The following LDHC variants were observed in gnomAD, a reference collection of about 807,000 sequenced individuals.
LDHC encodes lactate dehydrogenase C.
A neutral mutation model predicts 30.2 loss-of-function variants in LDHC; 20 were observed. The ratio of observed to expected loss-of-function variants is 0.66; its 90% CI spans 0.47 to 0.96. The LOEUF (loss-of-function observed/expected upper bound fraction) is 0.96, where lower values mean the gene tolerates loss of function less well. Ranked by LOEUF, LDHC falls within the 40% of genes least tolerant of loss-of-function variation. LDHC has a pLI of 0.00. For synonymous variants in LDHC, 139 were observed against 132.7 expected, an observed-to-expected ratio of 1.05 and a Z score of -0.32; for missense variants, 362 against 394.9, an observed-to-expected ratio of 0.92 and a Z score of 0.71.
chr11:18,421,207 C>T (rs1015491582), intron 3 of LDHC, among the ~76,000 whole-genome samples: 1 of 152,016 alleles, frequency 6.6e-6, no homozygotes, highest in Non-Finnish European at 1.5e-5. Context: ...GCACACACCA[C>T]TGAGCCTGGC....
chr11:18,446,111 T>G (rs1368998358), intron 6 of LDHC, 99 bp from the exon 7 acceptor site: 2 of 962,146 alleles, frequency 2.1e-6, no homozygotes, highest in African/African-American at 3.3e-5. Flanking sequence ...ACAATTGCAT[T>G]GACATGTAGA....
intron 4 of LDHC, among the ~76,000 whole-genome samples, chr11:18,430,437 C>CATTGATCCTCCCACCTCAGGCTCA (rs760136638): frequency 9.0e-4 from 137 of 152,186 alleles, no homozygotes; most frequent in African/African-American, 3.1e-3. Flanking sequence ...CTTTGCCTCA[C>CATTGATCCTCCCACCTCAGGCTCA]ATTGATCCTC....
rs71047596 is a variant in LDHC, at chr11:18,439,811, T to TA, written c.710+1191dup. Among the ~76,000 whole-genome samples the TA allele has an allele frequency of 5.4e-3, 349 of 64,174 alleles. 35 individuals are homozygous for TA. Among genetic ancestry groups the TA allele is most frequent in the South Asian group, 8.3e-3 (11 of 1,328 alleles). The allele number at this position is 64,174 out of a possible 152,430, so 42.1% of individuals were successfully genotyped here. A position where few individuals can be genotyped will look rare whatever the true frequency, so the allele number is the denominator to read the frequency against. ...CCAACATGGTGAAAACCGTCTCTAC[T>TA]AAAAAAAAAAAAAAAAAAAAAAAAA... On this transcript the variant is annotated intron_variant, in intron 6 of 7. Transcript: ENST00000541669.
intron 1 of LDHC, 96 bp downstream of exon 1, chr11:18,412,504 G>A (rs1463313338): frequency 2.0e-6 from 1 of 495,584 alleles, no homozygotes; most frequent in Non-Finnish European, 3.7e-6. Context: ...GCTGGGGGCA[G>A]GGAGAAATCC....
In LDHC at chr11:18,442,819, C is replaced by T. The variant is rs2133843962; in HGVS notation, c.711-3391C>T. Among the ~76,000 whole-genome samples the T allele has an allele frequency of 2.0e-5, 3 of 152,112 alleles. No individual in the cohort carries two copies. The East Asian group carries it at 5.8e-4, about 29-fold the overall frequency. On this transcript the variant is annotated intron_variant, in intron 6 of 7. Coordinates refer to ENST00000541669, the MANE Select transcript of LDHC (RefSeq NM_017448.5). ...CTGGGACTACAGGAGTGTACCACCA[C>T]ACCTGGCTAGTTTTTATATTTTTAG...
At chr11:18,446,921 T>C (rs984826517) in intron 7 of LDHC, among the ~76,000 whole-genome samples, 1 of 152,116 alleles carries the variant, frequency 6.6e-6, no homozygotes, top group Non-Finnish European at 1.5e-5. Context: ...GTTTGTTTGT[T>C]TGTTTGTTAC....
chr11:18,417,224 T>C (rs1054292414), intron 3 of LDHC, among the ~76,000 whole-genome samples: 5 of 151,876 alleles, frequency 3.3e-5, no homozygotes, highest in Non-Finnish European at 7.4e-5. Context: ...CACACTACAG[T>C]CTTGAACTCC....
chr11:18,425,974 A>G (rs73438607), intron 3 of LDHC, among the ~76,000 whole-genome samples: 22,415 of 151,334 alleles, frequency 0.15, 1,851 homozygotes, highest in African/African-American at 0.21. Flanking sequence ...AAGAAAATAC[A>G]TATTGTGAGG....
intron 2 of LDHC, 42 bp from the exon 3 acceptor site, chr11:18,415,142 C>A: frequency 8.9e-7 from 1 of 1,122,420 alleles, no homozygotes; most frequent in Admixed American, 2.0e-5. Context: ...TCTCCTAAAA[C>A]TTAAGTAGGA....
rs780199394 is a variant in LDHC, at chr11:18,446,306, A to G, written c.807A>G (p.Arg269=). ...LVGSILKNLR[R]VHPVSTMVKG... is the part of the protein sequence containing the mutation. ...GATCCATTTTGAAAAATCTTAGGAG[A>G]GTGCACCCAGTTTCCACCATGGTTA... Residue 269 remains arginine, a synonymous_variant, in exon 7 of 8, where the codon AGA becomes AGG. Coordinates refer to ENST00000541669, the MANE Select transcript of LDHC (RefSeq NM_017448.5). The G allele has an allele frequency of 6.2e-7, 1 of 1,606,950 alleles. No individual in the cohort carries two copies. Among genetic ancestry groups the G allele is most frequent in the Non-Finnish European group, 8.5e-7 (1 of 1,173,834 alleles).
intron 1 of LDHC, 86 bp from the exon 2 acceptor site, chr11:18,412,623 C>T: frequency 7.8e-7 from 1 of 1,276,338 alleles, no homozygotes; most frequent in Non-Finnish European, 1.1e-6. Context: ...CCCCCCATCC[C>T]CGGCTCCAAC....
At chr11:18,431,551 TG>T (rs1172095470) in intron 4 of LDHC, among the ~76,000 whole-genome samples, 4 of 152,202 alleles carry the variant, frequency 2.6e-5, no homozygotes, top group African/African-American at 7.2e-5. Flanking sequence ...TGTTTTGTTT[TG>T]TTTTTTTGTT....
chr11:18,413,841 G>C (rs1866951743), intron 2 of LDHC, among the ~76,000 whole-genome samples: 1 of 152,066 alleles, frequency 6.6e-6, no homozygotes, highest in Admixed American at 6.6e-5. Flanking sequence ...TACACTCCTT[G>C]TATATAGTTC....
intron 6 of LDHC, among the ~76,000 whole-genome samples, chr11:18,444,237 C>T (rs1848512241): frequency 6.6e-6 from 1 of 152,100 alleles, no homozygotes; most frequent in South Asian, 2.1e-4. Context: ...TTAATAACAA[C>T]TAAAGGATTA....
chr11:18,448,035 T>A (rs1848584294), intron 7 of LDHC, among the ~76,000 whole-genome samples: 1 of 119,784 alleles, frequency 8.3e-6, no homozygotes. Context: ...GGCAACAGAA[T>A]GAGACTCTGT....
At chr11:18,445,621 C>T (rs1023029085) in intron 6 of LDHC, among the ~76,000 whole-genome samples, 2 of 152,000 alleles carry the variant, frequency 1.3e-5, no homozygotes, top group African/African-American at 4.8e-5. Context: ...TTGAGTGGCA[C>T]ATTTGTCCTA....
intron 3 of LDHC, among the ~76,000 whole-genome samples, chr11:18,421,414 C>T (rs1035884769): frequency 4.1e-5 from 6 of 145,676 alleles, no homozygotes; most frequent in African/African-American, 1.5e-4. Flanking sequence ...TGGCTCACGC[C>T]AGTAATCCTA....
At chr11:18,414,412 G>C (rs1029086812) in intron 2 of LDHC, among the ~76,000 whole-genome samples, 2 of 152,114 alleles carry the variant, frequency 1.3e-5, no homozygotes, top group South Asian at 4.1e-4. Context: ...CCAGAAAAAG[G>C]GACACTAGAC....
intron 2 of LDHC, 47 bp downstream of exon 2, chr11:18,412,890 A>G (rs1161810232): frequency 5.7e-6 from 9 of 1,587,752 alleles, no homozygotes; most frequent in South Asian, 1.1e-5. Flanking sequence ...TGAGCACTTC[A>G]GAGTGTTGTA....
Sources: allele counts gnomAD v4.1 joint callset (sites outside exome capture counted in the v4.1 genomes callset), GRCh38; gene constraint gnomAD v4.1.1; transcripts MANE v1.5; gene names NCBI Gene and HGNC (gene_info 2026-07-23, HGNC 2026-07-21).